Variants in PRKG1 observed in about 807,000 individuals in gnomAD.
PRKG1 encodes protein kinase cGMP-dependent 1.
In PRKG1, 35 loss-of-function variants were observed where a neutral mutation model predicts 88.1. The observed-to-expected ratio is 0.40, with a 90% CI of 0.30 to 0.53. The LOEUF is 0.53. Among genes scored for constraint, PRKG1 ranks in the 20% least tolerant of loss-of-function variants. The pLI is 0.59. For synonymous variants in PRKG1, 303 were observed against 292.5 expected (o/e 1.04, Z -0.37); for missense variants, 540 against 839.8 (o/e 0.64, Z 4.41).
intron 9 of PRKG1, among the ~76,000 whole-genome samples, chr10:52,241,230 C>T (rs991778240): frequency 5.3e-5 from 8 of 151,970 alleles, no homozygotes; most frequent in African/African-American, 1.2e-4. Context: ...ATTATTTTCC[C>T]GAAGCAAGAG....
chr10:51,121,301 T>C lies in PRKG1; in HGVS notation c.312-31863T>C, dbSNP rs558466015. On this transcript the variant is annotated intron_variant, in intron 1 of 17. Coordinates refer to ENST00000373980, the MANE Select transcript of PRKG1 (RefSeq NM_006258.4). The stretch of plus-strand genomic sequence containing the variant: ...ACATCTTTGAGGAGCCACTATTTGC[T>C]TTCTGCAGGCATGCAGAGTTTTTGT... Among the ~76,000 whole-genome samples the C allele has an allele frequency of 1.4e-4, 22 of 152,330 alleles. No homozygotes were observed. In the South Asian group the frequency reaches 4.6e-3, roughly 32 times the overall value.
At position 50,991,314 on chromosome 10, in the gene PRKG1, G is replaced by GCCT; in HGVS notation, c.-63_-62insTCC. ...TCCGCTGCCGGCTGCCGTCCCAGCC[G>GCCT]CCGCCGCCGCCGCCGCCGCCGCCGC... On this transcript the variant is annotated 5_prime_UTR_variant, in exon 1 of 18. Transcript: ENST00000401604. The surrounding 1 kb of genome is among the most constrained non-coding windows in gnomAD (Gnocchi z 4.5). 1 of 854,474 alleles carries GCCT rather than the reference G, an allele frequency of 1.2e-6. No individual in the cohort carries two copies. The highest frequency in any genetic ancestry group is 1.6e-6 in the Non-Finnish European group (1 of 634,346). 52.9% of individuals were successfully genotyped at this position (854,474 alleles called of 1,614,324 possible). A position where few individuals can be genotyped will look rare whatever the true frequency, so the allele number is the denominator to read the frequency against.
intron 11 of PRKG1, 143 bp downstream of exon 11, chr10:52,271,632 T>C: frequency 1.1e-6 from 1 of 917,548 alleles, no homozygotes; most frequent in Non-Finnish European, 1.5e-6. Flanking sequence ...GAAAGTTTTG[T>C]TTGATTTCTA....
chr10:52,097,900 G>A (rs1847209067), intron 7 of PRKG1, among the ~76,000 whole-genome samples: 1 of 151,942 alleles, frequency 6.6e-6, no homozygotes, highest in African/African-American at 2.4e-5. Context: ...TTGTGCCTTA[G>A]GGAACAAAAA....
chr10:52,280,720 A>G, intron 12 of PRKG1, 69 bp from the exon 13 acceptor site: 1 of 1,521,938 alleles, frequency 6.6e-7, no homozygotes, highest in Non-Finnish European at 8.9e-7. Context: ...TGAAATGAGA[A>G]AAAAAAAATA....
At chr10:51,136,314 G>A (rs1230566681) in intron 1 of PRKG1, among the ~76,000 whole-genome samples, 1 of 151,930 alleles carries the variant, frequency 6.6e-6, no homozygotes, top group Admixed American at 6.6e-5. Flanking sequence ...TTGGGACTTC[G>A]GTGAGCTTCA....
At chr10:51,960,182 A>G (rs1160774886) in intron 5 of PRKG1, among the ~76,000 whole-genome samples, 1 of 151,094 alleles carries the variant, frequency 6.6e-6, no homozygotes, top group Non-Finnish European at 1.5e-5. Flanking sequence ...AAAGGAAATT[A>G]TTTTGGATGG....
At chr10:51,328,092 T>G (rs1474301219) in intron 2 of PRKG1, among the ~76,000 whole-genome samples, 3 of 152,190 alleles carry the variant, frequency 2.0e-5, no homozygotes. Flanking sequence ...TTACTGAAAT[T>G]TTGTATCCTT....
intron 2 of PRKG1, among the ~76,000 whole-genome samples, chr10:51,349,923 T>A (rs1564457177): frequency 2.0e-5 from 3 of 152,138 alleles, no homozygotes; most frequent in Non-Finnish European, 4.4e-5. Flanking sequence ...GCTTCTGCCC[T>A]AAATGAGCTT....
intron 2 of PRKG1, among the ~76,000 whole-genome samples, chr10:51,253,906 C>T (rs1440783772): frequency 6.6e-6 from 1 of 151,878 alleles, no homozygotes; most frequent in East Asian, 1.9e-4. Context: ...TCAACAGTTG[C>T]ATATTGTTTT....
At chr10:51,574,157 T>C (rs916218727) in intron 3 of PRKG1, among the ~76,000 whole-genome samples, 2 of 151,944 alleles carry the variant, frequency 1.3e-5, no homozygotes, top group African/African-American at 4.8e-5. Context: ...CAAATGCGTA[T>C]TAAATAGATA....
At chr10:51,912,390 C>T (rs575991561) in intron 5 of PRKG1, among the ~76,000 whole-genome samples, 1 of 152,242 alleles carries the variant, frequency 6.6e-6, no homozygotes, top group South Asian at 2.1e-4. Flanking sequence ...GTTTTAATAA[C>T]ATCTCTCTGA....
chr10:52,091,502 C>T (rs1847055312), intron 7 of PRKG1, among the ~76,000 whole-genome samples: 1 of 152,150 alleles, frequency 6.6e-6, no homozygotes, highest in African/African-American at 2.4e-5. Flanking sequence ...TTCTGCCTAC[C>T]ACAATAACAT....
intron 3 of PRKG1, among the ~76,000 whole-genome samples, chr10:51,513,759 C>T (rs1418901231): frequency 5.6e-5 from 5 of 90,000 alleles, no homozygotes; most frequent in Non-Finnish European, 8.6e-5. Flanking sequence ...GGGTACATAA[C>T]GAAATGAAGG....
intron 3 of PRKG1, among the ~76,000 whole-genome samples, chr10:51,522,928 C>G (rs1841773208): frequency 6.6e-6 from 1 of 152,158 alleles, no homozygotes; most frequent in African/African-American, 2.4e-5. Context: ...AGGGAGACAA[C>G]AAATTACTTG....
At chr10:52,196,606 G>A (rs912474246) in intron 9 of PRKG1, among the ~76,000 whole-genome samples, 1 of 152,136 alleles carries the variant, frequency 6.6e-6, no homozygotes, top group Non-Finnish European at 1.5e-5. Context: ...AGGAGGTTTG[G>A]GAATTATCTA....
chr10:51,254,698 T>A (rs1484590337), intron 2 of PRKG1, among the ~76,000 whole-genome samples: 1 of 152,048 alleles, frequency 6.6e-6, no homozygotes, highest in Non-Finnish European at 1.5e-5. Context: ...ATTTTAGATG[T>A]TGTATAAAGA....
At chr10:52,164,055 T>C (rs1464208956) in intron 9 of PRKG1, among the ~76,000 whole-genome samples, 1 of 152,106 alleles carries the variant, frequency 6.6e-6, no homozygotes, top group African/African-American at 2.4e-5. Context: ...CTTTGTAAAT[T>C]ATAAAGGTTA....
At chr10:51,722,335 A>G (rs1308536879) in intron 3 of PRKG1, among the ~76,000 whole-genome samples, 1 of 152,076 alleles carries the variant, frequency 6.6e-6, no homozygotes, top group East Asian at 1.9e-4. Flanking sequence ...TAAACTGTGG[A>G]CAATTTACCT....
Sources: gnomAD v4.1 joint callset for allele counts (sites outside exome capture counted in the v4.1 genomes callset) on GRCh38, gnomAD v4.1.1 for gene constraint, Gnocchi (gnomAD v3.1) non-coding constraint, MANE v1.5 for transcripts, NCBI Gene and HGNC (gene_info 2026-07-23, HGNC 2026-07-21) for gene names.